The following SPAG16 variants were observed in gnomAD, a reference collection of about 807,000 sequenced individuals.
SPAG16 encodes sperm-associated antigen 16 protein.
SPAG16 carries 86 observed loss-of-function variants against 80.4 expected under a neutral mutation model. The ratio of observed to expected loss-of-function variants is 1.07; its 90% CI spans 0.90 to 1.28. The LOEUF is 1.28. SPAG16 is among the 50% of genes most tolerant of loss of function. SPAG16 has a pLI of 0.00. For missense variants in SPAG16, 870 were observed against 765.3 expected, an observed-to-expected ratio of 1.14 and a Z score of -1.61; for synonymous variants, 294 against 265.9, an observed-to-expected ratio of 1.11 and a Z score of -1.03.
chr2:214,337,275 C>T (rs1446414292), intron 15 of SPAG16, among the ~76,000 whole-genome samples: 6 of 152,130 alleles, frequency 3.9e-5, no homozygotes, highest in African/African-American at 4.8e-5. Context: ...TGTAAAAATA[C>T]TGAAGTCACA....
At chr2:213,373,966 G>C (rs2066766350) in intron 8 of SPAG16, among the ~76,000 whole-genome samples, 1 of 152,116 alleles carries the variant, frequency 6.6e-6, no homozygotes, top group Non-Finnish European at 1.5e-5. Context: ...ATCTCAACAA[G>C]CTGTAATTGT....
chr2:213,741,096 T>G (rs1464597276), intron 10 of SPAG16, among the ~76,000 whole-genome samples: 3 of 152,088 alleles, frequency 2.0e-5, no homozygotes, highest in African/African-American at 7.2e-5. Flanking sequence ...CTAAAAGAAA[T>G]TAAAATATAA....
At chr2:213,803,536 T>G (rs2071547627) in intron 10 of SPAG16, among the ~76,000 whole-genome samples, 1 of 152,142 alleles carries the variant, frequency 6.6e-6, no homozygotes, top group Admixed American at 6.6e-5. Flanking sequence ...AGATAGATTT[T>G]TTTAAAAGAA....
chr2:213,453,677 G>A, intron 9 of SPAG16, among the ~76,000 whole-genome samples: 1 of 152,174 alleles, frequency 6.6e-6, no homozygotes, highest in East Asian at 1.9e-4. Context: ...CCCAGTTTCT[G>A]TACTTGAGGG....
intron 5 of SPAG16, among the ~76,000 whole-genome samples, chr2:213,322,098 A>AT (rs201790024): frequency 1.2e-4 from 17 of 147,336 alleles, no homozygotes; most frequent in African/African-American, 2.0e-4. Flanking sequence ...AAATAAATAA[A>AT]AAAAAGTAAA....
chr2:214,125,081 G>A (rs2054407539), intron 14 of SPAG16, among the ~76,000 whole-genome samples: 1 of 151,032 alleles, frequency 6.6e-6, no homozygotes, highest in African/African-American at 2.4e-5. Flanking sequence ...TCCCTGACTT[G>A]TTATTTGGGT....
At chr2:214,041,954 G>C (rs1440086966) in intron 13 of SPAG16, among the ~76,000 whole-genome samples, 1 of 130,192 alleles carries the variant, frequency 7.7e-6, no homozygotes, top group South Asian at 2.6e-4. Context: ...TATAGTTTGT[G>C]TATATATTTG....
intron 10 of SPAG16, among the ~76,000 whole-genome samples, chr2:213,845,227 T>G (rs2074556333): frequency 6.7e-6 from 1 of 149,362 alleles, no homozygotes; most frequent in South Asian, 2.1e-4. Context: ...AGACAGAGTC[T>G]CGCTCTGTTG....
chr2:214,158,437 C>T (rs1319192989), intron 15 of SPAG16, among the ~76,000 whole-genome samples: 3 of 151,926 alleles, frequency 2.0e-5, no homozygotes, highest in Non-Finnish European at 2.9e-5. Flanking sequence ...AATTGTTATT[C>T]TCGCATACCT....
chr2:213,676,366 C>T (rs2064075350), intron 10 of SPAG16, among the ~76,000 whole-genome samples: 1 of 151,418 alleles, frequency 6.6e-6, no homozygotes, highest in Non-Finnish European at 1.5e-5. Context: ...TAATTGAATA[C>T]CCTTTATTTC....
intron 10 of SPAG16, among the ~76,000 whole-genome samples, chr2:213,857,287 C>G (rs1049165230): frequency 2.0e-5 from 3 of 152,258 alleles, no homozygotes; most frequent in African/African-American, 7.2e-5. Context: ...ATTTAAAACT[C>G]TTAAATCTAG....
At chr2:213,968,133 CTCTG>C (rs1197038264) in intron 12 of SPAG16, among the ~76,000 whole-genome samples, 3 of 149,306 alleles carry the variant, frequency 2.0e-5, no homozygotes, top group Non-Finnish European at 3.0e-5. Flanking sequence ...CTCTCTTTCT[CTCTG>C]TCTCTCTTCT....
At chr2:214,192,427 A>G (rs925185501) in intron 15 of SPAG16, among the ~76,000 whole-genome samples, 1 of 152,078 alleles carries the variant, frequency 6.6e-6, no homozygotes, top group Non-Finnish European at 1.5e-5. Flanking sequence ...CTTAGAAAAA[A>G]ATGGAGATTT....
At chr2:214,309,195 TG>T (rs2125974254) in intron 15 of SPAG16, among the ~76,000 whole-genome samples, 1 of 152,328 alleles carries the variant, frequency 6.6e-6, no homozygotes, top group South Asian at 2.1e-4. Flanking sequence ...TTAATACTTT[TG>T]TAATTGCATT....
chr2:213,577,263 T>C (rs945522950), intron 10 of SPAG16, among the ~76,000 whole-genome samples: 1 of 152,142 alleles, frequency 6.6e-6, no homozygotes, highest in Non-Finnish European at 1.5e-5. Flanking sequence ...AAGTACATCC[T>C]TGGTCTAAAT....
At chr2:213,687,290 AT>A (rs1261579581) in intron 10 of SPAG16, among the ~76,000 whole-genome samples, 18 of 152,194 alleles carry the variant, frequency 1.2e-4, no homozygotes, top group African/African-American at 4.3e-4. Context: ...CAAGTCATTT[AT>A]CACTTGAATG....
intron 15 of SPAG16, among the ~76,000 whole-genome samples, chr2:214,169,675 A>G (rs1313989578): frequency 6.6e-6 from 1 of 152,050 alleles, no homozygotes; most frequent in Admixed American, 6.6e-5. Flanking sequence ...CATATATACA[A>G]CATTAGAAAG....
At chr2:213,832,305 C>A (rs978488564) in intron 10 of SPAG16, among the ~76,000 whole-genome samples, 10 of 151,994 alleles carry the variant, frequency 6.6e-5, no homozygotes, top group African/African-American at 2.4e-4. Context: ...ACTTTTAATT[C>A]TTGTTGGGGC....
intron 10 of SPAG16, among the ~76,000 whole-genome samples, chr2:213,768,895 G>A (rs1044143470): frequency 6.6e-6 from 1 of 152,128 alleles, no homozygotes; most frequent in Non-Finnish European, 1.5e-5. Context: ...AAAAGAGAAG[G>A]GGGTAAGTCA....
Sources: allele counts gnomAD v4.1 joint callset (sites outside exome capture counted in the v4.1 genomes callset), GRCh38; gene constraint gnomAD v4.1.1; transcripts MANE v1.5; gene names NCBI Gene and HGNC (gene_info 2026-07-23, HGNC 2026-07-21).